Variants in TLCD4 observed in about 807,000 individuals in gnomAD.
The protein encoded by TLCD4 is TLC domain containing 4.
TLCD4 carries 7 observed loss-of-function variants against 24.2 expected under a neutral mutation model. The observed-to-expected ratio is 0.29, with a 90% confidence interval of 0.16 to 0.54. The LOEUF is 0.54. TLCD4 is among the 20% of genes least tolerant of loss of function. TLCD4 has a pLI of 0.95. For synonymous variants in TLCD4, 103 were observed against 106.4 expected (o/e 0.97, Z 0.20); for missense variants, 259 against 313.9 (o/e 0.82, Z 1.32).
At chr1:95,137,705 CT>C (rs1369077997) in intron 1 of TLCD4, among the ~76,000 whole-genome samples, 2 of 151,732 alleles carry the variant, frequency 1.3e-5, no homozygotes, top group Non-Finnish European at 2.9e-5. Flanking sequence ...TCCTCCTCTT[CT>C]TTTCTCTTTC....
the TLCD4 span, among the ~76,000 whole-genome samples, chr1:95,103,833 G>A: frequency 3.3e-5 from 5 of 152,202 alleles, no homozygotes; most frequent in Non-Finnish European, 5.9e-5. Flanking sequence ...CTTACAATGT[G>A]CATTATTTGT....
At chr1:95,168,164 C>T (rs2100980224) in intron 5 of TLCD4, among the ~76,000 whole-genome samples, 1 of 152,262 alleles carries the variant, frequency 6.6e-6, no homozygotes, top group South Asian at 2.1e-4. Flanking sequence ...AAAGTATTAA[C>T]CATTCATTAT....
At chr1:95,149,508 G>A (rs908741257) in intron 3 of TLCD4, among the ~76,000 whole-genome samples, 1 of 152,070 alleles carries the variant, frequency 6.6e-6, no homozygotes, top group Non-Finnish European at 1.5e-5. Context: ...CCATTTGACT[G>A]CAAGGACGTT....
the TLCD4 span, among the ~76,000 whole-genome samples, chr1:95,095,057 C>T: frequency 1.3e-5 from 2 of 152,142 alleles, no homozygotes; most frequent in Non-Finnish European, 2.9e-5. Flanking sequence ...ATGAAGATAA[C>T]CTTATCTTTC....
intron 5 of TLCD4, among the ~76,000 whole-genome samples, chr1:95,167,255 C>T (rs1001027962): frequency 3.9e-5 from 6 of 152,130 alleles, no homozygotes; most frequent in African/African-American, 1.4e-4. Flanking sequence ...CTCCATACCA[C>T]AGGCGTATTG....
intron 1 of TLCD4, among the ~76,000 whole-genome samples, chr1:95,128,763 G>T (rs952376253): frequency 2.0e-5 from 3 of 152,238 alleles, no homozygotes; most frequent in African/African-American, 7.2e-5. Flanking sequence ...ATGTGTGTGT[G>T]TGGTGGGGGT....
intron 5 of TLCD4, among the ~76,000 whole-genome samples, chr1:95,165,482 T>C (rs916018286): frequency 6.6e-6 from 1 of 150,930 alleles, no homozygotes; most frequent in African/African-American, 2.4e-5. Context: ...TTTTTTTTTT[T>C]CAGACAAAGT....
At position 95,152,041 on chromosome 1, in the gene TLCD4, A is replaced by G. The variant is rs190005846; in HGVS notation, c.399+622A>G. 3.9e-5 allele frequency among the ~76,000 whole-genome samples: 6 copies of G among 152,240 alleles called. No homozygotes were observed. The East Asian group carries it at 9.6e-4, about 24-fold the overall frequency. ...ATTGTTTTTCAACATAAATATACCA[A>G]CAAGCTCAAGGTAGATATTGCAACT... On this transcript the variant is annotated intron_variant, in intron 5 of 6. Coordinates refer to ENST00000370203, the MANE Select transcript of TLCD4 (RefSeq NM_152487.3).
chr1:95,132,555 C>CCTAG (rs1243723756), intron 1 of TLCD4, among the ~76,000 whole-genome samples: 2 of 151,830 alleles, frequency 1.3e-5, no homozygotes, highest in African/African-American at 4.8e-5. Context: ...AGATGAAGAA[C>CCTAG]CTAGCTGAGG....
At chr1:95,178,482 C>T (rs1008697203) in intron 6 of TLCD4, among the ~76,000 whole-genome samples, 5 of 149,108 alleles carry the variant, frequency 3.4e-5, no homozygotes, top group African/African-American at 9.9e-5. Flanking sequence ...AGGCTGGTCT[C>T]GAACTCCTGA....
At chr1:95,171,906 ATT>A (rs1300214438) in intron 5 of TLCD4, among the ~76,000 whole-genome samples, 2 of 152,154 alleles carry the variant, frequency 1.3e-5, no homozygotes, top group African/African-American at 4.8e-5. Flanking sequence ...ATGAGTTTGT[ATT>A]AAAATATGGT....
At chr1:95,178,563 CTTTTTTT>C (rs57190787) in intron 6 of TLCD4, among the ~76,000 whole-genome samples, 6 of 82,388 alleles carry the variant, frequency 7.3e-5, no homozygotes, top group African/African-American at 3.0e-4. Context: ...ATGCCCAGCC[CTTTTTTT>C]TTTTTTTTTT....
the TLCD4 span, among the ~76,000 whole-genome samples, chr1:95,111,315 AAAC>A: frequency 7.2e-5 from 10 of 138,170 alleles, no homozygotes; most frequent in African/African-American, 2.0e-4. Context: ...AAACAAAACA[AAAC>A]AAAAAAAAAG....
the TLCD4 span, among the ~76,000 whole-genome samples, chr1:95,104,932 G>GGATT: frequency 6.6e-6 from 1 of 151,554 alleles, no homozygotes. Context: ...AGGCAGGCGT[G>GGATT]GATTGATTGA....
chr1:95,151,507 C>G (rs1318918316), intron 5 of TLCD4, 88 bp downstream of exon 5: 44 of 1,483,734 alleles, frequency 3.0e-5, no homozygotes, highest in Non-Finnish European at 3.7e-5. Flanking sequence ...ACATACAATT[C>G]TTAGTTTTTA....
chr1:95,096,120 G>C, the TLCD4 span, among the ~76,000 whole-genome samples: 3 of 152,178 alleles, frequency 2.0e-5, no homozygotes, highest in African/African-American at 7.2e-5. Context: ...TTGGATTGTA[G>C]GTAACAGTTC....
At chr1:95,143,842 C>G (rs952392107) in intron 1 of TLCD4, 49 bp from the exon 2 acceptor site, 4 of 1,316,992 alleles carry the variant, frequency 3.0e-6, no homozygotes, top group Non-Finnish European at 3.9e-6. Flanking sequence ...AAAAATTACT[C>G]TAGGTTTATT....
At chr1:95,180,064 C>CT (rs1253207099) in intron 6 of TLCD4, among the ~76,000 whole-genome samples, 1 of 152,186 alleles carries the variant, frequency 6.6e-6, no homozygotes. Context: ...TTTTGTTAAA[C>CT]TTTGCATGGT....
At chr1:95,154,596 C>G (rs992598513) in intron 5 of TLCD4, among the ~76,000 whole-genome samples, 1 of 151,998 alleles carries the variant, frequency 6.6e-6, no homozygotes, top group African/African-American at 2.4e-5. Flanking sequence ...TTGATGGTCT[C>G]TATCTTTGTA....
Sources: allele counts gnomAD v4.1 joint callset (sites outside exome capture counted in the v4.1 genomes callset), GRCh38; gene constraint gnomAD v4.1.1; transcripts MANE v1.5; gene names NCBI Gene and HGNC (gene_info 2026-07-23, HGNC 2026-07-21).